Variants in EMSY observed in about 807,000 individuals in gnomAD.
EMSY encodes the protein BRCA2-interacting transcriptional repressor EMSY.
A neutral mutation model predicts 134.6 loss-of-function variants in EMSY; 26 were observed. That is an observed-to-expected ratio of 0.19 (90% CI 0.14 to 0.27). EMSY has a LOEUF of 0.27. Among genes scored for constraint, EMSY ranks in the 10% least tolerant of loss-of-function variants. The probability of loss-of-function intolerance (pLI) is 1.00; values close to 1 mark genes in which losing one functional copy is unlikely to be tolerated. For missense variants in EMSY, 1,305 were observed against 1,611.4 expected (o/e 0.81, Z 3.26); for synonymous variants, 579 against 577.8 (o/e 1.00, Z -0.03).
At chr11:76,548,841 T>C (rs888312938) in intron 20 of EMSY, among the ~76,000 whole-genome samples, 7 of 152,236 alleles carry the variant, frequency 4.6e-5, no homozygotes, top group Non-Finnish European at 1.0e-4. Flanking sequence ...TGCAAAGTGC[T>C]GATATTCAAC....
At chr11:76,523,018 T>C in intron 11 of EMSY, 137 bp from the exon 13 acceptor site, 1 of 836,580 alleles carries the variant, frequency 1.2e-6, no homozygotes, top group Non-Finnish European at 1.8e-6. Flanking sequence ...CAAGCCTTCA[T>C]TTTCATCATC....
chr11:76,537,650 C>G (rs1192916530), intron 15 of EMSY, 145 bp from the exon 17 acceptor site: 1 of 666,012 alleles, frequency 1.5e-6, no homozygotes, highest in Non-Finnish European at 2.5e-6. Context: ...ACATAGCAAT[C>G]TGCTTTTTTC....
At chr11:76,468,077 G>A (rs545706352) in intron 7 of EMSY, among the ~76,000 whole-genome samples, 8 of 152,144 alleles carry the variant, frequency 5.3e-5, no homozygotes, top group Non-Finnish European at 1.2e-4. Flanking sequence ...TTCTTCGGTG[G>A]ACTTAGCTAA....
intron 7 of EMSY, among the ~76,000 whole-genome samples, chr11:76,467,099 T>G (rs1188974663): frequency 6.6e-6 from 1 of 152,230 alleles, no homozygotes; most frequent in Non-Finnish European, 1.5e-5. Context: ...GATGACTTCT[T>G]AAGTTTTATA....
chr11:76,517,064 C>G (rs555306877), intron 11 of EMSY, among the ~76,000 whole-genome samples: 1 of 152,080 alleles, frequency 6.6e-6, no homozygotes, highest in South Asian at 2.1e-4. Context: ...TAAATAATCC[C>G]AGATTAAGCA....
At chr11:76,462,863 A>G (rs1166784857) in intron 6 of EMSY, among the ~76,000 whole-genome samples, 1 of 152,240 alleles carries the variant, frequency 6.6e-6, no homozygotes, top group African/African-American at 2.4e-5. Flanking sequence ...AAAGGATTTT[A>G]GGCAGTGCAT....
chr11:76,510,934 G>T (rs930513762), intron 9 of EMSY, among the ~76,000 whole-genome samples: 1 of 152,154 alleles, frequency 6.6e-6, no homozygotes, highest in African/African-American at 2.4e-5. Flanking sequence ...CTTTCTCAAT[G>T]AATTTTTTGA....
chr11:76,541,533 C>T (rs1216823837), intron 17 of EMSY, among the ~76,000 whole-genome samples: 2 of 152,138 alleles, frequency 1.3e-5, no homozygotes, highest in African/African-American at 4.8e-5. Context: ...ATCAATCAAA[C>T]AAAACAAAAC....
At chr11:76,492,730 CCCT>C (rs1384002178) in intron 8 of EMSY, among the ~76,000 whole-genome samples, 1 of 152,150 alleles carries the variant, frequency 6.6e-6, no homozygotes, top group African/African-American at 2.4e-5. Context: ...AGGAGCCCCG[CCCT>C]CCTGGGTGCA....
At chr11:76,481,492 C>G (rs915179019) in intron 8 of EMSY, among the ~76,000 whole-genome samples, 2 of 152,246 alleles carry the variant, frequency 1.3e-5, no homozygotes, top group South Asian at 4.1e-4. Flanking sequence ...CTAAGATCAA[C>G]TGGCTTGAAA....
intron 7 of EMSY, among the ~76,000 whole-genome samples, chr11:76,465,278 A>G (rs1460294028): frequency 6.6e-6 from 1 of 152,148 alleles, no homozygotes; most frequent in Non-Finnish European, 1.5e-5. Context: ...TAATGGAAAA[A>G]GCCTGTATTT....
At chr11:76,538,792 T>C (rs943629383) in intron 16 of EMSY, among the ~76,000 whole-genome samples, 1 of 151,994 alleles carries the variant, frequency 6.6e-6, no homozygotes, top group African/African-American at 2.4e-5. Flanking sequence ...ACCCCATCTT[T>C]ACTAAAACTA....
At chr11:76,468,809 A>G (rs1948460574) in intron 7 of EMSY, among the ~76,000 whole-genome samples, 1 of 152,130 alleles carries the variant, frequency 6.6e-6, no homozygotes, top group South Asian at 2.1e-4. Flanking sequence ...ATTTAGCTTT[A>G]TGCCTTCATG....
intron 14 of EMSY, among the ~76,000 whole-genome samples, chr11:76,530,136 C>CAA (rs1950981514): frequency 7.0e-6 from 1 of 143,516 alleles, no homozygotes; most frequent in Admixed American, 6.9e-5. Flanking sequence ...CATGCCATTT[C>CAA]ATTAGTTGAA....
At chr11:76,504,881 T>G (rs1465975912) in intron 9 of EMSY, among the ~76,000 whole-genome samples, 1 of 152,138 alleles carries the variant, frequency 6.6e-6, no homozygotes, top group African/African-American at 2.4e-5. Flanking sequence ...AAAGATTACA[T>G]TAAGTTCAAG....
chr11:76,494,703 CTT>C (rs1949570627), intron 8 of EMSY, among the ~76,000 whole-genome samples: 6 of 103,680 alleles, frequency 5.8e-5, no homozygotes, highest in South Asian at 3.8e-4. Flanking sequence ...TCCTTCCTTC[CTT>C]CCTTCCTTCC....
intron 8 of EMSY, among the ~76,000 whole-genome samples, chr11:76,491,768 C>T (rs555834980): frequency 1.7e-3 from 261 of 151,698 alleles, no homozygotes; most frequent in Middle Eastern, 3.4e-3. Context: ...AGATGCTCTC[C>T]TCCTCCTACT....
chr11:76,486,760 G>C (rs1042078254), intron 8 of EMSY, among the ~76,000 whole-genome samples: 10 of 152,184 alleles, frequency 6.6e-5, no homozygotes, highest in African/African-American at 2.4e-4. Context: ...AGTTACTCCA[G>C]TTGACTGATA....
At chr11:76,487,837 G>C (rs199577111) in intron 8 of EMSY, among the ~76,000 whole-genome samples, 1 of 152,210 alleles carries the variant, frequency 6.6e-6, no homozygotes, top group East Asian at 1.9e-4. Flanking sequence ...TTCAAAATAT[G>C]AAACACTTAT....
Sources: allele counts gnomAD v4.1 joint callset (sites outside exome capture counted in the v4.1 genomes callset), GRCh38; gene constraint gnomAD v4.1.1; transcripts MANE v1.5; gene names NCBI Gene and HGNC (gene_info 2026-07-23, HGNC 2026-07-21).